Variants in NR3C1 observed in about 807,000 individuals in gnomAD.
NR3C1 encodes nuclear receptor subfamily 3 group C member 1.
In NR3C1, 14 loss-of-function variants were observed where a neutral mutation model predicts 74.0. The observed-to-expected ratio is 0.19, with a 90% CI of 0.12 to 0.30. The LOEUF (loss-of-function observed/expected upper bound fraction) is 0.30. Ranked by LOEUF, NR3C1 falls within the 10% of genes least tolerant of loss-of-function variation. The pLI, the probability that NR3C1 is intolerant of heterozygous loss-of-function variation, is 1.00. For synonymous variants in NR3C1, 308 were observed against 332.5 expected (o/e 0.93, Z 0.80); for missense variants, 695 against 909.8 (o/e 0.76, Z 3.04).
chr5:143,398,468 G>GA (rs1268184138), intron 2 of NR3C1, among the ~76,000 whole-genome samples: 1 of 147,684 alleles, frequency 6.8e-6, no homozygotes, highest in African/African-American at 2.5e-5. Context: ...ACAGAGGAAA[G>GA]AAAAGAGACA....
chr5:143,349,337 T>C (rs1829848100), intron 2 of NR3C1, among the ~76,000 whole-genome samples: 1 of 152,210 alleles, frequency 6.6e-6, no homozygotes, highest in Admixed American at 6.5e-5. Context: ...ACTCTCTTCA[T>C]GATGACTCAT....
At chr5:143,432,607 C>G (rs1171187187) in intron 1 of NR3C1, among the ~76,000 whole-genome samples, 1 of 152,122 alleles carries the variant, frequency 6.6e-6, no homozygotes, top group Non-Finnish European at 1.5e-5. Flanking sequence ...GTGAGATGCT[C>G]GGGATGAGTT....
At chr5:143,326,816 C>T (rs1316306936) in intron 2 of NR3C1, among the ~76,000 whole-genome samples, 1 of 152,128 alleles carries the variant, frequency 6.6e-6, no homozygotes, top group African/African-American at 2.4e-5. Flanking sequence ...GCCACACTAC[C>T]AGTTCTGTCA....
Position 143,278,420 on chromosome 5 carries a change from G to C in NR3C1, c.*3469C>G. 6.6e-6 allele frequency: 1 copy of C among 152,128 alleles called. No homozygotes were observed. The highest frequency in any genetic ancestry group is 1.9e-4 in the East Asian group (1 of 5,202). The allele number at this position is 152,128 out of a possible 1,614,324, so 9.4% of individuals were successfully genotyped here. A position where few individuals can be genotyped will look rare whatever the true frequency, so the allele number is the denominator to read the frequency against. ...TTCATCAGAAAATAAAATCCTTTCA[G>C]ACATTTTCTAGAGAGAAGCAAATCC... is the stretch of plus-strand genomic sequence containing the variant. On this transcript the variant is annotated 3_prime_UTR_variant, in exon 9 of 9. Transcript: ENST00000394464.
In NR3C1 at chr5:143,346,960, G is replaced by A. The variant is rs80189834; in HGVS notation, c.1185-32792C>T. 1.0e-3 allele frequency among the ~76,000 whole-genome samples: 156 copies of A among 152,292 alleles called. 3 individuals are homozygous for A. In the East Asian group the frequency reaches 0.022, roughly 22 times the overall value. On this transcript the variant is annotated intron_variant, in intron 2 of 8. Coordinates refer to ENST00000394464, the MANE Select transcript of NR3C1 (RefSeq NM_000176.3). ...ATGCTACCAAAGCAGCAACATGTGT[G>A]CTCAGTGCTTTCTGATTTACAACAC...
chr5:143,383,790 T>C (rs1457242413), intron 2 of NR3C1, among the ~76,000 whole-genome samples: 1 of 152,248 alleles, frequency 6.6e-6, no homozygotes, highest in Non-Finnish European at 1.5e-5. Context: ...GATTTATGTA[T>C]TTTTATTATA....
At chr5:143,348,875 T>C (rs1015579000) in intron 2 of NR3C1, among the ~76,000 whole-genome samples, 1 of 152,210 alleles carries the variant, frequency 6.6e-6, no homozygotes, top group African/African-American at 2.4e-5. Flanking sequence ...GAATAGGTCT[T>C]ACTGTATTTG....
chr5:143,420,576 C>A (rs577348071), intron 1 of NR3C1, among the ~76,000 whole-genome samples: 2 of 152,068 alleles, frequency 1.3e-5, no homozygotes, highest in South Asian at 2.1e-4. Context: ...TGATTTTGGC[C>A]CTAGGGGATA....
At chr5:143,310,245 C>G in intron 3 of NR3C1, 32 bp from the exon 4 acceptor site, 1 of 1,426,418 alleles carries the variant, frequency 7.0e-7, no homozygotes, top group Non-Finnish European at 9.9e-7. Flanking sequence ...ATTAAAGTTT[C>G]ACAGGTCTTC....
intron 2 of NR3C1, among the ~76,000 whole-genome samples, chr5:143,368,534 TACACACAC>T (rs201482184): frequency 1.3e-4 from 19 of 144,950 alleles, no homozygotes; most frequent in Admixed American, 3.4e-4. Flanking sequence ...ATATTCTAGA[TACACACAC>T]ACACACACAC....
chr5:143,370,870 G>C (rs748862011), intron 2 of NR3C1, among the ~76,000 whole-genome samples: 1 of 152,214 alleles, frequency 6.6e-6, no homozygotes, highest in Admixed American at 6.5e-5. Context: ...CCTATAAGTG[G>C]TTGGAAGCTT....
intron 1 of NR3C1, among the ~76,000 whole-genome samples, chr5:143,424,736 A>G: frequency 6.6e-6 from 1 of 152,122 alleles, no homozygotes; most frequent in East Asian, 1.9e-4. Flanking sequence ...GAGAGATGAA[A>G]GGCTCCAAAG....
chr5:143,315,685 A>C (rs1821931087), intron 2 of NR3C1, among the ~76,000 whole-genome samples: 1 of 152,164 alleles, frequency 6.6e-6, no homozygotes, highest in South Asian at 2.1e-4. Context: ...AGTAACTTAA[A>C]ATTTTTTTCT....
At chr5:143,432,063 G>T (rs1053935644) in intron 1 of NR3C1, among the ~76,000 whole-genome samples, 2 of 152,204 alleles carry the variant, frequency 1.3e-5, no homozygotes, top group African/African-American at 4.8e-5. Flanking sequence ...ATCAGGGTTG[G>T]TGGTAAAAAC....
intron 4 of NR3C1, among the ~76,000 whole-genome samples, chr5:143,308,873 A>C (rs553795546): frequency 6.6e-6 from 1 of 152,310 alleles, no homozygotes; most frequent in East Asian, 1.9e-4. Context: ...TTGTTGAATA[A>C]AAGTGCTAAT....
chr5:143,379,548 T>TA (rs1835818166), intron 2 of NR3C1, among the ~76,000 whole-genome samples: 1 of 151,886 alleles, frequency 6.6e-6, no homozygotes, highest in Admixed American at 6.6e-5. Flanking sequence ...AAAATAAAAA[T>TA]AAAAAAACAC....
intron 3 of NR3C1, among the ~76,000 whole-genome samples, chr5:143,310,617 A>T (rs1820697762): frequency 6.6e-6 from 1 of 152,092 alleles, no homozygotes; most frequent in South Asian, 2.1e-4. Flanking sequence ...TACTTTTTTG[A>T]TAAACTGTGT....
chr5:143,403,907 C>A (rs937884425), upstream of NR3C1: 3 of 983,054 alleles, frequency 3.1e-6, no homozygotes, highest in Non-Finnish European at 3.6e-6. Context: ...CGTGGCCGCC[C>A]CGCCCGGTGC....
chr5:143,385,884 T>C (rs568213661), intron 2 of NR3C1, among the ~76,000 whole-genome samples: 3 of 152,350 alleles, frequency 2.0e-5, no homozygotes, highest in South Asian at 2.1e-4. Flanking sequence ...CGCATTTTCA[T>C]GTATCTTTAT....
Sources: gnomAD v4.1 joint callset for allele counts (sites outside exome capture counted in the v4.1 genomes callset) on GRCh38, gnomAD v4.1.1 for gene constraint, MANE v1.5 for transcripts, NCBI Gene and HGNC (gene_info 2026-07-23, HGNC 2026-07-21) for gene names.